SUGCT: variants seen among roughly 807,000 people sequenced by gnomAD.
The protein encoded by SUGCT is succinyl-CoA:glutarate CoA-transferase.
In SUGCT, 41 loss-of-function variants were observed where a neutral mutation model predicts 55.0. That is an observed-to-expected ratio of 0.74 (90% confidence interval 0.58 to 0.97). The LOEUF (loss-of-function observed/expected upper bound fraction) is 0.97, where lower values mean the gene tolerates loss of function less well. Among genes scored for constraint, SUGCT ranks in the 50% least tolerant of loss-of-function variants. The probability of loss-of-function intolerance (pLI) is 0.00; values close to 1 mark genes in which losing one functional copy is unlikely to be tolerated. For synonymous variants in SUGCT, 187 were observed against 200.4 expected (o/e 0.93, Z 0.56); for missense variants, 568 against 547.8 (o/e 1.04, Z -0.37).
chr7:40,677,246 C>T (rs532806742), intron 12 of SUGCT, among the ~76,000 whole-genome samples: 28 of 152,262 alleles, frequency 1.8e-4, no homozygotes, highest in African/African-American at 5.1e-4. Flanking sequence ...CATTTTAGGA[C>T]GTGTTCTCTA....
chr7:40,513,211 C>CTG (rs1455054799), intron 12 of SUGCT, among the ~76,000 whole-genome samples: 4 of 152,086 alleles, frequency 2.6e-5, no homozygotes, highest in African/African-American at 7.2e-5. Context: ...ACTGTTCAAC[C>CTG]TTTGTCTTAT....
intron 9 of SUGCT, among the ~76,000 whole-genome samples, chr7:40,378,835 C>T (rs1784732724): frequency 6.6e-6 from 1 of 152,194 alleles, no homozygotes; most frequent in Admixed American, 6.5e-5. Flanking sequence ...ACATATTTTA[C>T]ACAGCTGATT....
At chr7:40,794,308 T>A (rs1790450028) in intron 13 of SUGCT, among the ~76,000 whole-genome samples, 1 of 152,180 alleles carries the variant, frequency 6.6e-6, no homozygotes. Context: ...CACCTTATAA[T>A]GTTTGTTACT....
At chr7:40,622,103 C>A (rs573745470) in intron 12 of SUGCT, among the ~76,000 whole-genome samples, 2 of 152,270 alleles carry the variant, frequency 1.3e-5, no homozygotes, top group East Asian at 3.9e-4. Flanking sequence ...ATCCTTCTAG[C>A]CCCAGAAATT....
At chr7:40,489,340 A>G (rs1021909266) in intron 11 of SUGCT, among the ~76,000 whole-genome samples, 8 of 151,104 alleles carry the variant, frequency 5.3e-5, no homozygotes, top group African/African-American at 2.0e-4. Context: ...CATTTCTCTG[A>G]TATTTGTTTC....
intron 13 of SUGCT, among the ~76,000 whole-genome samples, chr7:40,788,713 C>G (rs924579428): frequency 6.6e-6 from 1 of 152,142 alleles, no homozygotes; most frequent in African/African-American, 2.4e-5. Flanking sequence ...TGTCATGGCT[C>G]CTACTCATGG....
chr7:40,840,781 G>A (rs1262815106), intron 13 of SUGCT, among the ~76,000 whole-genome samples: 1 of 113,650 alleles, frequency 8.8e-6, no homozygotes, highest in Non-Finnish European at 1.8e-5. Flanking sequence ...TTAAAAAAAA[G>A]TTAATAATAT....
At chr7:41,008,201 G>C in the SUGCT span, among the ~76,000 whole-genome samples, 4 of 152,206 alleles carry the variant, frequency 2.6e-5, no homozygotes, top group African/African-American at 9.6e-5. Context: ...AGGCGCCCCT[G>C]GGCACTGTTC....
the SUGCT span, among the ~76,000 whole-genome samples, chr7:40,976,869 G>A: frequency 1.3e-4 from 20 of 152,262 alleles, no homozygotes; most frequent in East Asian, 2.5e-3. Flanking sequence ...ATAGTTACTT[G>A]ACCACACTAC....
chr7:40,187,990 C>T, intron 3 of SUGCT, among the ~76,000 whole-genome samples: 1 of 149,462 alleles, frequency 6.7e-6, no homozygotes, highest in African/African-American at 2.5e-5. Context: ...TATGGTGAAA[C>T]CCTGTCTCTA....
intron 9 of SUGCT, among the ~76,000 whole-genome samples, chr7:40,323,357 T>C (rs1166381043): frequency 2.0e-5 from 3 of 152,218 alleles, no homozygotes; most frequent in Non-Finnish European, 4.4e-5. Flanking sequence ...GTGATGTTGA[T>C]GCTGTTAGTA....
the SUGCT span, among the ~76,000 whole-genome samples, chr7:40,900,781 G>A: frequency 1.3e-5 from 2 of 152,236 alleles, no homozygotes; most frequent in Non-Finnish European, 2.9e-5. Flanking sequence ...GGACTGCTGG[G>A]CTGCAGTGAA....
At chr7:40,310,281 A>G (rs1389557441) in intron 8 of SUGCT, among the ~76,000 whole-genome samples, 2 of 152,220 alleles carry the variant, frequency 1.3e-5, no homozygotes, top group African/African-American at 4.8e-5. Flanking sequence ...CAAAAATCCC[A>G]GTCGAGGAAA....
At chr7:40,619,546 A>G (rs1214032223) in intron 12 of SUGCT, among the ~76,000 whole-genome samples, 1 of 152,192 alleles carries the variant, frequency 6.6e-6, no homozygotes, top group East Asian at 1.9e-4. Flanking sequence ...CAGTTTTTAT[A>G]TATTAATAAT....
chr7:40,377,340 T>C (rs1784655339), intron 9 of SUGCT, among the ~76,000 whole-genome samples: 1 of 150,134 alleles, frequency 6.7e-6, no homozygotes, highest in African/African-American at 2.5e-5. Flanking sequence ...CCTCCCGGAT[T>C]CAAGCGATTC....
intron 5 of SUGCT, among the ~76,000 whole-genome samples, chr7:40,194,457 G>T (rs1584309229): frequency 6.6e-6 from 1 of 152,078 alleles, no homozygotes; most frequent in South Asian, 2.1e-4. Flanking sequence ...TTGCCATGTT[G>T]CCCAGGCTGG....
intron 13 of SUGCT, among the ~76,000 whole-genome samples, chr7:40,819,959 T>A (rs1413877149): frequency 1.3e-5 from 2 of 152,228 alleles, no homozygotes; most frequent in African/African-American, 4.8e-5. Flanking sequence ...AGGGATCCAG[T>A]TTCAGCTTTC....
At chr7:40,502,305 G>A (rs1792323657) in intron 12 of SUGCT, among the ~76,000 whole-genome samples, 1 of 151,930 alleles carries the variant, frequency 6.6e-6, no homozygotes, top group Non-Finnish European at 1.5e-5. Context: ...GTTTTAATGT[G>A]TAAAAAATTA....
At chr7:40,227,524 C>A (rs1408555265) in intron 6 of SUGCT, among the ~76,000 whole-genome samples, 1 of 152,122 alleles carries the variant, frequency 6.6e-6, no homozygotes, top group Admixed American at 6.5e-5. Context: ...GCCACCACAT[C>A]TGGCTAATTT....
Sources: allele counts gnomAD v4.1 joint callset (sites outside exome capture counted in the v4.1 genomes callset), GRCh38; gene constraint gnomAD v4.1.1; transcripts MANE v1.5; gene names NCBI Gene and HGNC (gene_info 2026-07-23, HGNC 2026-07-21).